ELAPOR2: variants seen among roughly 807,000 people sequenced by gnomAD.
The protein encoded by ELAPOR2 is endosome/lysosome-associated apoptosis and autophagy regulator family member 2.
A neutral mutation model predicts 120.7 loss-of-function variants in ELAPOR2; 89 were observed. That is an observed-to-expected ratio of 0.74 (90% CI 0.62 to 0.88). The LOEUF (loss-of-function observed/expected upper bound fraction) is 0.88. Among genes scored for constraint, ELAPOR2 ranks in the 40% least tolerant of loss-of-function variants. The pLI, the probability that ELAPOR2 is intolerant of heterozygous loss-of-function variation, is 0.00. For missense variants in ELAPOR2, 1,134 were observed against 1,251.6 expected, an observed-to-expected ratio of 0.91 and a Z score of 1.42; for synonymous variants, 444 against 444.9, an observed-to-expected ratio of 1.00 and a Z score of 0.03.
chr7:86,911,219 G>A (rs1355069895), intron 15 of ELAPOR2, among the ~76,000 whole-genome samples: 1 of 152,032 alleles, frequency 6.6e-6, no homozygotes, highest in Admixed American at 6.6e-5. Flanking sequence ...TATATTTATT[G>A]AGTGAACTGA....
At chr7:86,897,412 CT>C (rs1788485261) in intron 19 of ELAPOR2, 93 bp downstream of exon 19, 2 of 1,428,940 alleles carry the variant, frequency 1.4e-6, no homozygotes, top group African/African-American at 1.4e-5. Context: ...TAAATACAAG[CT>C]TTTGCCATAC....
chr7:87,046,478 C>T lies in ELAPOR2; in HGVS notation c.189+12847G>A, dbSNP rs1057384535. Among the ~76,000 whole-genome samples, 14 of 152,122 alleles carry T rather than the reference C, an allele frequency of 9.2e-5. No homozygotes were observed. In the East Asian group the frequency reaches 2.3e-3, roughly 25 times the overall value. On this transcript the variant is annotated intron_variant, in intron 1 of 21. Coordinates refer to ENST00000450689, the MANE Select transcript of ELAPOR2 (RefSeq NM_001142749.3). ...ATTTATATGAAACCACAAAAGACCC[C>T]GAATAGCCAAAGATATCTGATACAG...
At chr7:86,965,105 C>G in intron 1 of ELAPOR2, 81 bp from the exon 2 acceptor site, 1 of 1,452,436 alleles carries the variant, frequency 6.9e-7, no homozygotes, top group Non-Finnish European at 9.4e-7. Flanking sequence ...CCCCAAGCCC[C>G]TGTTTCCAAG....
intron 1 of ELAPOR2, among the ~76,000 whole-genome samples, chr7:87,037,709 T>C (rs181263962): frequency 1.8e-4 from 28 of 152,314 alleles, no homozygotes; most frequent in African/African-American, 6.5e-4. Flanking sequence ...CGCAAGACCT[T>C]CAGTCTCTGA....
At chr7:86,910,259 C>T (rs1481473376) in intron 15 of ELAPOR2, among the ~76,000 whole-genome samples, 1 of 152,060 alleles carries the variant, frequency 6.6e-6, no homozygotes, top group African/African-American at 2.4e-5. Context: ...CTTCCCAGTA[C>T]AAGCATCATT....
At chr7:86,987,223 G>T (rs1197827912) in intron 1 of ELAPOR2, among the ~76,000 whole-genome samples, 1 of 152,164 alleles carries the variant, frequency 6.6e-6, no homozygotes, top group African/African-American at 2.4e-5. Context: ...TTAAATGTAT[G>T]ATCTAAAACC....
intron 1 of ELAPOR2, among the ~76,000 whole-genome samples, chr7:86,987,517 C>G (rs1487965890): frequency 6.6e-6 from 1 of 152,086 alleles, no homozygotes; most frequent in African/African-American, 2.4e-5. Context: ...ACAAACAACC[C>G]TATCGAAAAG....
At chr7:86,982,770 A>G (rs1633459) in intron 1 of ELAPOR2, among the ~76,000 whole-genome samples, 57,313 of 151,794 alleles carry the variant, frequency 0.38, 11,626 homozygotes, top group African/African-American at 0.53. Flanking sequence ...AAAACAGAGC[A>G]CCTCTTCTCC....
chr7:87,046,911 G>T (rs890427893), intron 1 of ELAPOR2, among the ~76,000 whole-genome samples: 1 of 152,082 alleles, frequency 6.6e-6, no homozygotes, highest in African/African-American at 2.4e-5. Context: ...AAAACTGAAG[G>T]AATCAAATTA....
intron 1 of ELAPOR2, among the ~76,000 whole-genome samples, chr7:86,981,582 G>A (rs1260486868): frequency 6.6e-6 from 1 of 152,172 alleles, no homozygotes; most frequent in East Asian, 1.9e-4. Context: ...CCCTCCACTT[G>A]GAGAGTGCTT....
In ELAPOR2 at chr7:87,022,230, TC is replaced by T. The variant is rs1438218758; in HGVS notation, c.189+37094del. On this transcript the variant is annotated intron_variant, in intron 1 of 21. Coordinates refer to ENST00000450689, the MANE Select transcript of ELAPOR2 (RefSeq NM_001142749.3). ...ATCTCCTAATGCTATCCCTCCCCCC[TC>T]CCCCCACCCCACAACAGGCCCCAGT... 3.7e-4 allele frequency among the ~76,000 whole-genome samples: 23 copies of T among 62,410 alleles called. No homozygotes were observed. In the East Asian group the frequency reaches 0.013, roughly 34 times the overall value. 40.9% of individuals were successfully genotyped at this position (62,410 alleles called of 152,430 possible). A position where few individuals can be genotyped will look rare whatever the true frequency, so the allele number is the denominator to read the frequency against.
chr7:86,984,689 C>G (rs1635014), intron 1 of ELAPOR2, among the ~76,000 whole-genome samples: 1 of 151,860 alleles, frequency 6.6e-6, no homozygotes, highest in African/African-American at 2.4e-5. Flanking sequence ...TAAAGCAGTG[C>G]GTAGAGGGAA....
intron 18 of ELAPOR2, among the ~76,000 whole-genome samples, chr7:86,905,136 A>AAGGAAAG (rs1562910075): frequency 1.3e-4 from 19 of 143,490 alleles, no homozygotes; most frequent in East Asian, 6.2e-4. Context: ...GGAAAGAAAG[A>AAGGAAAG]AAAGAAAAGA....
chr7:86,897,966 T>C (rs777685851), intron 18 of ELAPOR2, among the ~76,000 whole-genome samples: 1 of 152,150 alleles, frequency 6.6e-6, no homozygotes, highest in Non-Finnish European at 1.5e-5. Flanking sequence ...AGAGTTACTA[T>C]TTATTCCATC....
At chr7:86,990,498 C>A (rs1006138059) in intron 1 of ELAPOR2, among the ~76,000 whole-genome samples, 1 of 152,100 alleles carries the variant, frequency 6.6e-6, no homozygotes, top group African/African-American at 2.4e-5. Flanking sequence ...TTGACCTTGG[C>A]CTTCCCAGCC....
intron 2 of ELAPOR2, among the ~76,000 whole-genome samples, chr7:86,949,660 G>T (rs915153457): frequency 5.9e-5 from 9 of 152,148 alleles, no homozygotes; most frequent in Non-Finnish European, 1.3e-4. Flanking sequence ...CCCCTGCCTG[G>T]CCTCTCCCCA....
intron 3 of ELAPOR2, 24 bp downstream of exon 3, chr7:86,947,703 C>G: frequency 6.5e-7 from 1 of 1,542,020 alleles, no homozygotes; most frequent in Non-Finnish European, 8.8e-7. Flanking sequence ...CAGTTAAGAG[C>G]CAAAGGCTGC....
At position 86,880,449 on chromosome 7, in the gene ELAPOR2, T is replaced by A; in HGVS notation, c.*22A>T. 6.3e-7 allele frequency: 1 copy of A among 1,577,886 alleles called. No individual in the cohort carries two copies. The highest frequency in any genetic ancestry group is 8.7e-7 in the Non-Finnish European group (1 of 1,147,620). On this transcript the variant is annotated 3_prime_UTR_variant, in exon 22 of 22. Transcript: ENST00000450689. ...GAGCAGGTTTCTTTGTTCATTAGTC[T>A]CAAGGCTACAGCACTGTCTCTTCAT...
chr7:86,918,743 G>A (rs1022141741), intron 11 of ELAPOR2, among the ~76,000 whole-genome samples, 199 bp from the exon 12 acceptor site: 2 of 152,020 alleles, frequency 1.3e-5, no homozygotes, highest in African/African-American at 2.4e-5. Context: ...CATAACGATG[G>A]TAATATGCTT....
Sources: gnomAD v4.1 joint callset for allele counts (sites outside exome capture counted in the v4.1 genomes callset) on GRCh38, gnomAD v4.1.1 for gene constraint, MANE v1.5 for transcripts, NCBI Gene and HGNC (gene_info 2026-07-23, HGNC 2026-07-21) for gene names.